The following BMERB1 variants were observed in gnomAD, a reference collection of about 807,000 sequenced individuals.
The protein encoded by BMERB1 is bMERB domain-containing protein 1.
In BMERB1, 12 loss-of-function variants were observed where a neutral mutation model predicts 23.6. The ratio of observed to expected loss-of-function variants is 0.51; its 90% confidence interval spans 0.33 to 0.82. The LOEUF (loss-of-function observed/expected upper bound fraction) is 0.82. Among genes scored for constraint, BMERB1 ranks in the 40% least tolerant of loss-of-function variants. The probability of loss-of-function intolerance (pLI) is 0.03; values close to 1 mark genes in which losing one functional copy is unlikely to be tolerated. For missense variants in BMERB1, 247 were observed against 255.4 expected (o/e 0.97, Z 0.22); for synonymous variants, 122 against 96.6 (o/e 1.26, Z -1.54).
intron 1 of BMERB1, among the ~76,000 whole-genome samples, chr16:15,494,548 T>G (rs1038645051): frequency 6.6e-6 from 1 of 152,136 alleles, no homozygotes; most frequent in Non-Finnish European, 1.5e-5. Flanking sequence ...TTTCTGGAAG[T>G]CCCACCTGGG....
intron 2 of BMERB1, among the ~76,000 whole-genome samples, chr16:15,526,158 G>A (rs982461013): frequency 6.6e-6 from 1 of 152,158 alleles, no homozygotes; most frequent in Admixed American, 6.6e-5. Flanking sequence ...CATTTCTATT[G>A]TTGTAGAACA....
chr16:15,493,247 G>C (rs752789606), intron 1 of BMERB1, among the ~76,000 whole-genome samples: 2 of 151,924 alleles, frequency 1.3e-5, no homozygotes, highest in Non-Finnish European at 1.5e-5. Flanking sequence ...CCCTACTCGG[G>C]AGGCTGAGGC....
At chr16:15,495,331 G>A (rs2051463081) in intron 1 of BMERB1, among the ~76,000 whole-genome samples, 1 of 152,090 alleles carries the variant, frequency 6.6e-6, no homozygotes, top group South Asian at 2.1e-4. Context: ...AAGTAGCTGG[G>A]ACTGTAGGCG....
intron 2 of BMERB1, among the ~76,000 whole-genome samples, chr16:15,554,671 T>C (rs1351352040): frequency 2.0e-5 from 3 of 150,672 alleles, no homozygotes; most frequent in Non-Finnish European, 3.0e-5. Flanking sequence ...TTCTTTTTTT[T>C]TTCTTTTTTT....
At chr16:15,511,102 C>T (rs565016690) in intron 1 of BMERB1, among the ~76,000 whole-genome samples, 1 of 152,254 alleles carries the variant, frequency 6.6e-6, no homozygotes, top group South Asian at 2.1e-4. Flanking sequence ...GTGTCAGGGA[C>T]AGTAGTAGGA....
chr16:15,487,349 T>A (rs918896077), intron 1 of BMERB1, among the ~76,000 whole-genome samples: 2 of 152,194 alleles, frequency 1.3e-5, no homozygotes, highest in African/African-American at 4.8e-5. Context: ...TATCTTAGTT[T>A]ATAAAAGACA....
At chr16:15,463,422 C>G (rs2051153690) in intron 1 of BMERB1, among the ~76,000 whole-genome samples, 2 of 152,072 alleles carry the variant, frequency 1.3e-5, no homozygotes, top group South Asian at 4.1e-4. Context: ...ATCCTTTGAA[C>G]CACTGTTATC....
At chr16:15,447,099 C>T (rs536852039) in intron 1 of BMERB1, among the ~76,000 whole-genome samples, 1 of 152,142 alleles carries the variant, frequency 6.6e-6, no homozygotes, top group African/African-American at 2.4e-5. Context: ...TCAGTTTTCT[C>T]ATCTGTAAAA....
chr16:15,434,602 C>T lies in BMERB1; in HGVS notation c.-52C>T, dbSNP rs928012470. 9 of 1,547,378 alleles carry T rather than the reference C, an allele frequency of 5.8e-6. No homozygotes were observed. Among genetic ancestry groups the T allele is most frequent in the African/African-American group, 5.4e-5 (4 of 73,614 alleles). On this transcript the variant is annotated 5_prime_UTR_variant, in exon 1 of 6. Transcript: ENST00000300006. Reference sequence around the variant, plus strand: ...GAGCCACCTCCCTCCCTGCAGCCCGCAACGGGAATGGAGTAAAGGGAGACC... The same window carrying T: ...GAGCCACCTCCCTCCCTGCAGCCCGTAACGGGAATGGAGTAAAGGGAGACC...
intron 2 of BMERB1, among the ~76,000 whole-genome samples, chr16:15,542,363 C>T (rs2052094993): frequency 6.6e-6 from 1 of 152,034 alleles, no homozygotes; most frequent in Admixed American, 6.6e-5. Context: ...GTGCCCTGCC[C>T]ACCCCTCTCC....
chr16:15,515,457 A>C (rs776601093), intron 2 of BMERB1, 29 bp downstream of exon 2: 1 of 1,609,536 alleles, frequency 6.2e-7, no homozygotes, highest in African/African-American at 1.3e-5. Context: ...TGGCCAAGGA[A>C]AGAAGTGTGT....
chr16:15,529,255 T>C (rs933961324), intron 2 of BMERB1, among the ~76,000 whole-genome samples: 2 of 152,044 alleles, frequency 1.3e-5, no homozygotes, highest in Non-Finnish European at 2.9e-5. Context: ...CTTGATCTCC[T>C]GACCTCGTGA....
At chr16:15,513,384 G>A (rs540022628) in intron 1 of BMERB1, among the ~76,000 whole-genome samples, 1 of 152,210 alleles carries the variant, frequency 6.6e-6, no homozygotes, top group East Asian at 1.9e-4. Flanking sequence ...TGCTGCTGCC[G>A]AGGAAGACCA....
At chr16:15,541,968 A>G (rs1274277481) in intron 2 of BMERB1, among the ~76,000 whole-genome samples, 2 of 143,404 alleles carry the variant, frequency 1.4e-5, no homozygotes, top group Non-Finnish European at 3.0e-5. Flanking sequence ...CTGGTCTCAA[A>G]CTCCTGAGCT....
intron 1 of BMERB1, among the ~76,000 whole-genome samples, chr16:15,504,598 GCCA>G (rs1398462661): frequency 6.6e-6 from 1 of 151,878 alleles, no homozygotes; most frequent in Non-Finnish European, 1.5e-5. Flanking sequence ...ACAGCTGTGT[GCCA>G]CCACATCTGG....
At chr16:15,494,935 G>T (rs1216716745) in intron 1 of BMERB1, among the ~76,000 whole-genome samples, 3 of 139,734 alleles carry the variant, frequency 2.1e-5, no homozygotes. Flanking sequence ...CCAGGCTGGA[G>T]TGCAGTGGCT....
At chr16:15,435,391 G>A (rs1275490233) in intron 1 of BMERB1, among the ~76,000 whole-genome samples, 1 of 152,202 alleles carries the variant, frequency 6.6e-6, no homozygotes, top group African/African-American at 2.4e-5. Flanking sequence ...AAATAGACCG[G>A]CTGTATTTAT....
At chr16:15,541,528 A>G (rs1171951423) in intron 2 of BMERB1, among the ~76,000 whole-genome samples, 2 of 142,744 alleles carry the variant, frequency 1.4e-5, no homozygotes, top group African/African-American at 5.4e-5. Context: ...CCTAGGAGTG[A>G]GCCTCCTGCT....
At chr16:15,557,558 T>C (rs2030298672) in intron 2 of BMERB1, among the ~76,000 whole-genome samples, 2 of 152,194 alleles carry the variant, frequency 1.3e-5, no homozygotes, top group South Asian at 4.1e-4. Context: ...CACACATATG[T>C]ATCTGTGAAA....
Sources: gnomAD v4.1 joint callset for allele counts (sites outside exome capture counted in the v4.1 genomes callset) on GRCh38, gnomAD v4.1.1 for gene constraint, MANE v1.5 for transcripts, NCBI Gene and HGNC (gene_info 2026-07-23, HGNC 2026-07-21) for gene names.